The following SYCP3 variants were observed in gnomAD, a reference collection of about 807,000 sequenced individuals.
SYCP3 encodes the protein synaptonemal complex protein 3.
In SYCP3, 29 loss-of-function variants were observed where a neutral mutation model predicts 38.5. The observed-to-expected ratio is 0.75, with a 90% CI of 0.56 to 1.03. The LOEUF (loss-of-function observed/expected upper bound fraction) is 1.03. Ranked by LOEUF, SYCP3 falls within the 50% of genes least tolerant of loss-of-function variation. The pLI is 0.00. For missense variants in SYCP3, 242 were observed against 270.7 expected, an observed-to-expected ratio of 0.89 and a Z score of 0.74; for synonymous variants, 79 against 80.3, an observed-to-expected ratio of 0.98 and a Z score of 0.08.
rs773656448 is a variant in SYCP3 at position 101,737,855 on chromosome 12, A to C, written c.81T>G (p.Phe27Leu). Residue 27 changes from phenylalanine to leucine, a missense_variant, in exon 2 of 9, where the codon TTT (phenylalanine) becomes TTG (leucine). Physicochemically the swap from Phe to Leu is conservative, Grantham distance 22. Transcript: ENST00000392924. Reference sequence around the variant, plus strand: ...TCAGATCTTTCTTATCTTCAGTCTCAAAGTCATAGGCTCTCGTAAACTGAT... The same window carrying C: ...TCAGATCTTTCTTATCTTCAGTCTCCAAGTCATAGGCTCTCGTAAACTGAT... ...VEDQFTRAYD[F>L]ETEDKKDLSG... 2.5e-6 allele frequency: 4 copies of C among 1,614,220 alleles called. No individual in the cohort carries two copies. The South Asian group carries it at 4.4e-5, about 18-fold the overall frequency.
At chr12:101,733,758 A>G in intron 5 of SYCP3, 84 bp from the exon 6 acceptor site, 12 of 1,257,548 alleles carry the variant, frequency 9.5e-6, no homozygotes, top group Non-Finnish European at 1.3e-5. Context: ...ACACAGTTAT[A>G]CTATATAAGA....
rs1952344331 is a variant in SYCP3 at position 101,734,913 on chromosome 12, A to G, written c.353+14T>C. The stretch of plus-strand genomic sequence containing the variant: ...CTAAGAAATGTGGCTCTAAAAAAAA[A>G]GCAACCACCTTACCTTTGATCTTGT... On this transcript the variant is annotated intron_variant, in intron 5 of 8. Coordinates refer to ENST00000392924, the MANE Select transcript of SYCP3 (RefSeq NM_001177949.2). The G allele has an allele frequency of 1.9e-6, 3 of 1,556,122 alleles. No homozygotes were observed. The highest frequency in any genetic ancestry group is 1.4e-5 in the African/African-American group (1 of 73,748).
At chr12:101,735,871 A>ATATATATATTTTTTTTTTTTTT in intron 4 of SYCP3, among the ~76,000 whole-genome samples, 6 of 74,756 alleles carry the variant, frequency 8.0e-5, no homozygotes, top group South Asian at 4.3e-4. Context: ...ATATATATAT[A>ATATATATATTTTTTTTTTTTTT]TTTTTTTTTT....
chr12:101,739,055 G>A (rs1428063603), intron 1 of SYCP3, among the ~76,000 whole-genome samples: 2 of 152,204 alleles, frequency 1.3e-5, no homozygotes, highest in Non-Finnish European at 2.9e-5. Flanking sequence ...CACGAAAGGC[G>A]CCCTCGGCGT....
At position 101,739,338 on chromosome 12, in the gene SYCP3, C is replaced by G; in HGVS notation, c.-18+13G>C. 1.0e-6 allele frequency: 1 copy of G among 1,002,828 alleles called. No individual in the cohort carries two copies. The highest frequency in any genetic ancestry group is 1.2e-6 in the Non-Finnish European group (1 of 830,362). 62.1% of individuals were successfully genotyped at this position (1,002,828 alleles called of 1,614,324 possible). A position where few individuals can be genotyped will look rare whatever the true frequency, so the allele number is the denominator to read the frequency against. ...GGACACCTGCGATAGACAGACGCCT[C>G]CCCTGCTCACACCTGAAACACACCG... On this transcript the variant is annotated intron_variant, in intron 1 of 8. Transcript: ENST00000392924.
At position 101,728,843 on chromosome 12, in the gene SYCP3, T is replaced by A. The variant is rs1952049645; in HGVS notation, c.*84A>T. On this transcript the variant is annotated 3_prime_UTR_variant, in exon 9 of 9. Coordinates refer to ENST00000392924, the MANE Select transcript of SYCP3 (RefSeq NM_001177949.2). ...GATTAAAGATGTTACAATTAAACTATTCTAAAGACTTACAATATGCTTCTT... is the reference window on the plus strand; with the variant it reads ...GATTAAAGATGTTACAATTAAACTAATCTAAAGACTTACAATATGCTTCTT... 3 of 1,588,926 alleles carry A rather than the reference T, an allele frequency of 1.9e-6. No individual in the cohort carries two copies. The Admixed American group carries it at 5.0e-5, about 27-fold the overall frequency.
chr12:101,735,836 T>C (rs1952392071), intron 4 of SYCP3, among the ~76,000 whole-genome samples: 1 of 137,570 alleles, frequency 7.3e-6, no homozygotes, highest in South Asian at 2.3e-4. Flanking sequence ...AAAACTATTT[T>C]TAATATAATC....
At chr12:101,730,047 A>G (rs887127812) in intron 7 of SYCP3, among the ~76,000 whole-genome samples, 2 of 152,210 alleles carry the variant, frequency 1.3e-5, no homozygotes, top group Non-Finnish European at 2.9e-5. Context: ...GGGATCTTCA[A>G]TACCTAAGAA....
intron 6 of SYCP3, chr12:101,731,942 A>T: frequency 3.5e-6 from 1 of 285,644 alleles, no homozygotes; most frequent in Non-Finnish European, 6.6e-6. Context: ...GATCCTTCCA[A>T]TAATAATGGT....
At chr12:101,733,882 G>A (rs543214951) in intron 5 of SYCP3, among the ~76,000 whole-genome samples, 36 of 152,196 alleles carry the variant, frequency 2.4e-4, no homozygotes, top group South Asian at 2.1e-3. Flanking sequence ...GAAAAGCCCT[G>A]TCACAAGCTT....
At chr12:101,737,593 C>T in intron 2 of SYCP3, 1 of 702,668 alleles carries the variant, frequency 1.4e-6, no homozygotes, top group Non-Finnish European at 2.4e-6. Flanking sequence ...GCCGAATAAG[C>T]TTCTGTAACT....
intron 2 of SYCP3, 146 bp downstream of exon 2, chr12:101,737,657 G>C (rs1031993063): frequency 9.3e-7 from 1 of 1,070,076 alleles, no homozygotes; most frequent in Non-Finnish European, 1.4e-6. Flanking sequence ...CTGGCCATCC[G>C]TGTCAGCAGG....
At chr12:101,729,881 A>AATAG (rs1301406102) in intron 7 of SYCP3, among the ~76,000 whole-genome samples, 1 of 152,194 alleles carries the variant, frequency 6.6e-6, no homozygotes, top group African/African-American at 2.4e-5. Flanking sequence ...CTAAGATTTC[A>AATAG]ATAGATAAAG....
At chr12:101,731,534 A>G (rs1262391022) in intron 7 of SYCP3, 34 bp downstream of exon 7, 4 of 1,380,268 alleles carry the variant, frequency 2.9e-6, no homozygotes, top group Non-Finnish European at 1.0e-6. Flanking sequence ...ATTATGTTTT[A>G]TAACGATGTA....
At chr12:101,729,506 A>G in intron 7 of SYCP3, 1 of 294,386 alleles carries the variant, frequency 3.4e-6, no homozygotes, top group South Asian at 4.5e-5. Flanking sequence ...ATCAGTAAAA[A>G]CCATTTCTAT....
At chr12:101,737,106 A>T (rs768619348) in intron 3 of SYCP3, 35 bp from the exon 4 acceptor site, 4 of 1,612,602 alleles carry the variant, frequency 2.5e-6, no homozygotes, top group Non-Finnish European at 3.4e-6. Flanking sequence ...ACTTTAGAAG[A>T]TCCACAACAT....
chr12:101,728,812 G>T lies in SYCP3; in HGVS notation c.*115C>A. 6.7e-7 allele frequency: 1 copy of T among 1,483,844 alleles called. No homozygotes were observed. Among genetic ancestry groups the T allele is most frequent in the Non-Finnish European group, 9.3e-7 (1 of 1,076,864 alleles). 91.9% of individuals were successfully genotyped at this position (1,483,844 alleles called of 1,614,324 possible). ...AAAGGGAGGTCTTACAATGAAACAG[G>T]TTTATGATTAAAGATGTTACAATTA... On this transcript the variant is annotated 3_prime_UTR_variant, in exon 9 of 9. Transcript: ENST00000392924.
intron 5 of SYCP3, among the ~76,000 whole-genome samples, chr12:101,734,394 C>T (rs1398194722): frequency 3.3e-5 from 5 of 152,092 alleles, no homozygotes; most frequent in Non-Finnish European, 5.9e-5. Context: ...ACCCCCATCT[C>T]ATAAAACAAC....
chr12:101,737,845 C>T lies in SYCP3; in HGVS notation c.91G>A (p.Asp31Asn), dbSNP rs369926426. 3.2e-5 allele frequency: 52 copies of T among 1,614,080 alleles called. No homozygotes were observed. Among genetic ancestry groups the T allele is most frequent in the Middle Eastern group, 1.6e-4 (1 of 6,084 alleles). Residue 31 changes from aspartate to asparagine, a missense_variant, in exon 2 of 9, where the codon GAT becomes AAT. Asp to Asn is a conservative substitution (Grantham distance 23). Transcript: ENST00000392924. ...FTRAYDFETE[D>N]KKDLSGSEED... is the part of the protein sequence containing the mutation. ...TCTGATCCACTCAGATCTTTCTTAT[C>T]TTCAGTCTCAAAGTCATAGGCTCTC... is the stretch of plus-strand genomic sequence containing the variant.
Sources: gnomAD v4.1 joint callset for allele counts (sites outside exome capture counted in the v4.1 genomes callset) on GRCh38, gnomAD v4.1.1 for gene constraint, MANE v1.5 for transcripts, NCBI Gene and HGNC (gene_info 2026-07-23, HGNC 2026-07-21) for gene names.